FBXO15: variants seen among roughly 807,000 people sequenced by gnomAD.
The protein encoded by FBXO15 is F-box only protein 15.
Under a neutral mutation model 49.5 loss-of-function variants are expected in FBXO15, and 30 were observed. That is an observed-to-expected ratio of 0.61 (90% CI 0.45 to 0.82). FBXO15 has a LOEUF of 0.82. Among genes scored for constraint, FBXO15 ranks in the 40% least tolerant of loss-of-function variants. FBXO15 has a pLI of 0.00. For synonymous variants in FBXO15, 250 were observed against 232.7 expected (o/e 1.07, Z -0.68); for missense variants, 591 against 631.5 (o/e 0.94, Z 0.69).
intron 1 of FBXO15, among the ~76,000 whole-genome samples, chr18:74,146,548 A>G (rs1360661575): frequency 2.0e-5 from 3 of 152,248 alleles, no homozygotes; most frequent in Non-Finnish European, 2.9e-5. Flanking sequence ...CAAATTGATT[A>G]AAAGTTCAAG....
In FBXO15 at chr18:74,075,006, C is replaced by T. The variant is rs916381581; in HGVS notation, c.1264-1276G>A. Among the ~76,000 whole-genome samples the T allele has an allele frequency of 6.6e-6, 1 of 152,198 alleles. No individual in the cohort carries two copies. Among genetic ancestry groups the T allele is most frequent in the Non-Finnish European group, 1.5e-5 (1 of 68,024 alleles). On this transcript the variant is annotated intron_variant, in intron 9 of 9. Transcript: ENST00000419743. The surrounding 1 kb of genome is among the most constrained non-coding windows in gnomAD (Gnocchi z 4.1). ...GGCCAGGTCCAGCAAAACCCCAGCCCCAGAGGAGCGCAGTTATTTTCTATC... is the reference window on the plus strand; with the variant it reads ...GGCCAGGTCCAGCAAAACCCCAGCCTCAGAGGAGCGCAGTTATTTTCTATC...
At chr18:74,079,057 C>T (rs561146255) in intron 9 of FBXO15, among the ~76,000 whole-genome samples, 6 of 152,306 alleles carry the variant, frequency 3.9e-5, no homozygotes, top group African/African-American at 1.4e-4. Context: ...AAAGCAGAAC[C>T]ACAGAACTAC....
In FBXO15 at chr18:74,131,036, C is replaced by A. The variant is rs560630473; in HGVS notation, c.333-378G>T. 3.3e-5 allele frequency among the ~76,000 whole-genome samples: 5 copies of A among 152,106 alleles called. No individual in the cohort carries two copies. The South Asian group carries it at 1.0e-3, about 32-fold the overall frequency. ...ATTCTTGTTTTTAAATACATACATG[C>A]TTTTAAAAAGATCAGAAAGGATGTA... On this transcript the variant is annotated intron_variant, in intron 3 of 9. Coordinates refer to ENST00000419743, the MANE Select transcript of FBXO15 (RefSeq NM_001142958.2).
At chr18:74,127,343 G>A (rs771118701) in intron 5 of FBXO15, among the ~76,000 whole-genome samples, 34 of 152,238 alleles carry the variant, frequency 2.2e-4, no homozygotes, top group Admixed American at 2.2e-3. Flanking sequence ...TAAGGCTGAC[G>A]TTTCCCCAGC....
Position 74,147,765 on chromosome 18 carries a change from C to A in FBXO15, c.21G>T (p.Arg7=). The change falls in exon 1 of 10, where the codon CGG becomes CGT. Residue 7 remains arginine, a synonymous_variant. Transcript: ENST00000419743. MATGRG[R]ILQQHWLGLQ... is the part of the protein sequence containing the mutation. ...GGCCGAGCCAGTGCTGCTGCAAGAT[C>A]CGACCGCGTCCAGTCGCCATAGAGA... 2.0e-6 allele frequency: 3 copies of A among 1,535,080 alleles called. No homozygotes were observed. Among genetic ancestry groups the A allele is most frequent in the Non-Finnish European group, 2.6e-6 (3 of 1,142,530 alleles).
At chr18:74,141,489 CT>C (rs1429397707) in intron 1 of FBXO15, among the ~76,000 whole-genome samples, 1 of 152,168 alleles carries the variant, frequency 6.6e-6, no homozygotes, top group Admixed American at 6.5e-5. Flanking sequence ...TGAATGTGTA[CT>C]TTGTGCACTG....
At chr18:74,110,818 C>A (rs1351526188) in intron 8 of FBXO15, among the ~76,000 whole-genome samples, 1 of 152,100 alleles carries the variant, frequency 6.6e-6, no homozygotes, top group African/African-American at 2.4e-5. Flanking sequence ...TAAAAAGGGG[C>A]CATCACATAC....
chr18:74,078,336 C>T (rs554536808), intron 9 of FBXO15, among the ~76,000 whole-genome samples: 10 of 149,300 alleles, frequency 6.7e-5, no homozygotes, highest in Admixed American at 1.3e-4. Context: ...AAGGCCCCCC[C>T]CCGACCTGCC....
chr18:74,122,565 G>A (rs953987902), intron 8 of FBXO15: 1 of 152,172 alleles, frequency 6.6e-6, no homozygotes. Context: ...AAGTCCACTA[G>A]ATGAAAGACT....
intron 5 of FBXO15, among the ~76,000 whole-genome samples, chr18:74,128,463 T>C (rs1346506777): frequency 6.6e-6 from 1 of 151,852 alleles, no homozygotes; most frequent in Non-Finnish European, 1.5e-5. Flanking sequence ...GAGAAACCAA[T>C]GGGTGGAACT....
At chr18:74,084,804 A>G (rs2145112797) in intron 8 of FBXO15, among the ~76,000 whole-genome samples, 1 of 152,270 alleles carries the variant, frequency 6.6e-6, no homozygotes, top group African/African-American at 2.4e-5. Flanking sequence ...CTGTATAACC[A>G]CGGTCAAGTT....
At chr18:74,111,580 GAAGA>G (rs1476077863) in intron 8 of FBXO15, among the ~76,000 whole-genome samples, 1 of 151,710 alleles carries the variant, frequency 6.6e-6, no homozygotes, top group Non-Finnish European at 1.5e-5. Flanking sequence ...TATTAGAAAA[GAAGA>G]AAGATCTGAA....
At position 74,135,761 on chromosome 18, in the gene FBXO15, C is replaced by T; in HGVS notation, c.332+1G>A. 6.3e-7 allele frequency: 1 copy of T among 1,596,232 alleles called. No homozygotes were observed. Among genetic ancestry groups the T allele is most frequent in the African/African-American group, 1.4e-5 (1 of 73,716 alleles). On this transcript the variant is annotated splice_donor_variant, in intron 3 of 9. Coordinates refer to ENST00000419743, the MANE Select transcript of FBXO15 (RefSeq NM_001142958.2). LOFTEE classifies it high-confidence loss of function. ...TAACAGAGACTTGGATTTCTGCTTACTTGTCATTGGCTAGATGATAAAAGC... is the reference window on the plus strand; with the variant it reads ...TAACAGAGACTTGGATTTCTGCTTATTTGTCATTGGCTAGATGATAAAAGC...
chr18:74,144,751 G>C (rs888269515), intron 1 of FBXO15, among the ~76,000 whole-genome samples: 1 of 151,784 alleles, frequency 6.6e-6, no homozygotes, highest in East Asian at 1.9e-4. Flanking sequence ...TGCAGACAAA[G>C]AAGATGCTCT....
At chr18:74,135,920 C>G (rs996560963) in intron 2 of FBXO15, 54 bp from the exon 3 acceptor site, 30 of 1,426,776 alleles carry the variant, frequency 2.1e-5, no homozygotes, top group Non-Finnish European at 2.9e-5. Flanking sequence ...AGGGCTTAAT[C>G]TGCAGATTAC....
At chr18:74,100,856 A>G (rs28787918) in intron 8 of FBXO15, among the ~76,000 whole-genome samples, 14,164 of 152,164 alleles carry the variant, frequency 0.093, 1,254 homozygotes, top group African/African-American at 0.23. Flanking sequence ...AGCTTAAATC[A>G]GAAAGAATTA....
In FBXO15 at chr18:74,106,777, AAT is replaced by A. The variant is rs1407991609; in HGVS notation, c.1138+16589_1138+16590del. Among the ~76,000 whole-genome samples, 12 of 152,306 alleles carry A rather than the reference AAT, an allele frequency of 7.9e-5. No individual in the cohort carries two copies. The East Asian group carries it at 2.1e-3, about 27-fold the overall frequency. On this transcript the variant is annotated intron_variant, in intron 8 of 9. Transcript: ENST00000419743. ...AGATGTCCTTTTCACCTCTCAAATC[AAT>A]AGATATTTTTCAAAATAATGGTCAT...
intron 8 of FBXO15, among the ~76,000 whole-genome samples, chr18:74,110,194 CATATAT>C (rs58739905): frequency 7.0e-6 from 1 of 143,604 alleles, no homozygotes; most frequent in South Asian, 2.2e-4. Context: ...CATATGTGTG[CATATAT>C]ATATATATAT....
At chr18:74,093,319 G>T (rs1423942195) in intron 8 of FBXO15, among the ~76,000 whole-genome samples, 1 of 151,844 alleles carries the variant, frequency 6.6e-6, no homozygotes, top group Non-Finnish European at 1.5e-5. Context: ...AGGGTAGTCT[G>T]CAATGAGGAA....
Sources: allele counts gnomAD v4.1 joint callset (sites outside exome capture counted in the v4.1 genomes callset), GRCh38; gene constraint gnomAD v4.1.1; non-coding constraint Gnocchi (gnomAD v3.1); transcripts MANE v1.5; gene names NCBI Gene and HGNC (gene_info 2026-07-23, HGNC 2026-07-21).